NQO2: variants seen among roughly 807,000 people sequenced by gnomAD.
NQO2 encodes the protein ribosyldihydronicotinamide dehydrogenase [quinone].
Under a neutral mutation model 22.0 loss-of-function variants are expected in NQO2, and 18 were observed. The observed-to-expected ratio is 0.82, with a 90% CI of 0.56 to 1.21. The LOEUF (loss-of-function observed/expected upper bound fraction) is 1.21. Ranked by LOEUF, NQO2 falls within the 50% of genes most tolerant of loss-of-function variation. The pLI is 0.00. For missense variants in NQO2, 267 were observed against 286.9 expected (o/e 0.93, Z 0.50); for synonymous variants, 106 against 110.8 (o/e 0.96, Z 0.28).
chr6:3,009,146 C>T (rs1027867777), intron 2 of NQO2, among the ~76,000 whole-genome samples: 6 of 152,158 alleles, frequency 3.9e-5, no homozygotes, highest in Admixed American at 2.0e-4. Context: ...TACAGCTGGA[C>T]CATAAAAGAC....
rs1757302179 is a variant in NQO2 at position 3,015,662 on chromosome 6, G to T, written c.417+19G>T. The T allele has an allele frequency of 1.2e-6, 2 of 1,608,764 alleles. No individual in the cohort carries two copies. Among genetic ancestry groups the T allele is most frequent in the Non-Finnish European group, 1.7e-6 (2 of 1,175,632 alleles). ...GCTCCAGGTATGTGCTCTTGGATAA[G>T]GATCACTATGGATAGTTGGAGGGAG... On this transcript the variant is annotated intron_variant, in intron 5 of 6. Transcript: ENST00000380455.
chr6:3,009,659 C>T (rs879929743), intron 2 of NQO2, among the ~76,000 whole-genome samples: 16 of 152,188 alleles, frequency 1.1e-4, no homozygotes, highest in Non-Finnish European at 1.9e-4. Flanking sequence ...TAAATGTCCA[C>T]GAAATCTTCA....
chr6:3,005,885 A>G (rs1182511303), intron 1 of NQO2: 17 of 851,104 alleles, frequency 2.0e-5, no homozygotes, highest in Non-Finnish European at 2.3e-5. Context: ...CACAGCTACA[A>G]TGGGCAGAGC....
At chr6:3,001,090 CTT>C (rs66489312) in intron 1 of NQO2, among the ~76,000 whole-genome samples, 4,469 of 114,182 alleles carry the variant, frequency 0.039, 75 homozygotes, top group African/African-American at 0.048. Flanking sequence ...CTTTCTTTTT[CTT>C]TTTTTTTTTT....
intron 1 of NQO2, chr6:3,000,507 C>T (rs1253430802): frequency 2.0e-5 from 3 of 151,720 alleles, no homozygotes; most frequent in Non-Finnish European, 2.9e-5. Context: ...ATCAGCTTCT[C>T]TAACCTATAA....
chr6:3,009,834 T>A, intron 2 of NQO2, 191 bp from the exon 3 acceptor site: 1 of 718,420 alleles, frequency 1.4e-6, no homozygotes, highest in Non-Finnish European at 1.7e-6. Context: ...GCCACTGCAT[T>A]CCAGCCTGGG....
At chr6:3,015,988 G>C (rs968354203) in intron 5 of NQO2, among the ~76,000 whole-genome samples, 1 of 152,154 alleles carries the variant, frequency 6.6e-6, no homozygotes, top group Non-Finnish European at 1.5e-5. Flanking sequence ...CTGGTGCAGA[G>C]CCCAGCCCTG....
intron 4 of NQO2, among the ~76,000 whole-genome samples, chr6:3,014,113 G>A (rs1757243418): frequency 6.6e-6 from 1 of 152,344 alleles, no homozygotes; most frequent in South Asian, 2.1e-4. Flanking sequence ...CAGGGGGTGA[G>A]CGGCATGTGA....
In NQO2 at chr6:3,012,690, A is replaced by G; in HGVS notation, c.303+16A>G. ...GATATTTCAGGTTTGTTTTTCTCTAATTAATATATTGAATCAGATTCATCT... is the reference window on the plus strand; with the variant it reads ...GATATTTCAGGTTTGTTTTTCTCTAGTTAATATATTGAATCAGATTCATCT... On this transcript the variant is annotated intron_variant, in intron 4 of 6. Transcript: ENST00000380455. 2 of 1,608,514 alleles carry G rather than the reference A, an allele frequency of 1.2e-6. No individual in the cohort carries two copies. The highest frequency in any genetic ancestry group is 1.7e-6 in the Non-Finnish European group (2 of 1,177,076).
intron 6 of NQO2, among the ~76,000 whole-genome samples, chr6:3,017,801 G>A (rs1312344950): frequency 6.6e-6 from 1 of 152,116 alleles, no homozygotes; most frequent in Non-Finnish European, 1.5e-5. Context: ...TGTCGAGACA[G>A]GGGGAGAGCT....
chr6:3,000,840 TTTTTC>T (rs1756665465), intron 1 of NQO2, among the ~76,000 whole-genome samples: 1 of 143,932 alleles, frequency 6.9e-6, no homozygotes, highest in Non-Finnish European at 1.6e-5. Flanking sequence ...CCCGGCCCTC[TTTTTC>T]TTTTTTCTTT....
chr6:3,019,294 C>T (rs956972519), intron 6 of NQO2, 185 bp from the exon 7 acceptor site: 1 of 938,806 alleles, frequency 1.1e-6, no homozygotes. Flanking sequence ...TTCTTCACGG[C>T]TCTTATGCAA....
At chr6:3,008,448 A>G (rs1463361186) in intron 2 of NQO2, among the ~76,000 whole-genome samples, 3 of 151,794 alleles carry the variant, frequency 2.0e-5, no homozygotes, top group Non-Finnish European at 4.4e-5. Flanking sequence ...AAAGGAAAGA[A>G]AAGAAAGTTT....
intron 5 of NQO2, 61 bp from the exon 6 acceptor site, chr6:3,016,823 T>C: frequency 6.3e-7 from 1 of 1,592,240 alleles, no homozygotes; most frequent in Non-Finnish European, 8.5e-7. Flanking sequence ...TGCTGGAGGC[T>C]CAGCAACATT....
intron 1 of NQO2, among the ~76,000 whole-genome samples, chr6:3,005,362 A>G (rs1170911791): frequency 6.6e-6 from 1 of 152,176 alleles, no homozygotes; most frequent in Non-Finnish European, 1.5e-5. Flanking sequence ...ACCTTTCCCC[A>G]GCGGTGCACG....
Position 3,006,327 on chromosome 6 carries a change from G to T in NQO2, c.-85-141G>T, listed in dbSNP as rs1173688350. ...TTGTCCTCTGAGGCCTAAATCTCCAGAAGATTCCTGGCCTCTCTTGAGAGG... is the reference window on the plus strand; with the variant it reads ...TTGTCCTCTGAGGCCTAAATCTCCATAAGATTCCTGGCCTCTCTTGAGAGG... On this transcript the variant is annotated intron_variant, in intron 1 of 6. Coordinates refer to ENST00000380455, the MANE Select transcript of NQO2 (RefSeq NM_000904.6). The surrounding 1 kb of genome is among the most constrained non-coding windows in gnomAD (Gnocchi z 4.0). The T allele has an allele frequency of 1.5e-5, 20 of 1,359,328 alleles. No homozygotes were observed. The East Asian group carries it at 5.6e-4, about 38-fold the overall frequency. 84.2% of individuals were successfully genotyped at this position (1,359,328 alleles called of 1,614,324 possible).
At position 3,019,499 on chromosome 6, in the gene NQO2, T is replaced by C. The variant is rs1757462750; in HGVS notation, c.540T>C (p.Cys180=). Residue 180 remains cysteine, a synonymous_variant, in exon 7 of 7, where the codon TGT becomes TGC. Coordinates refer to ENST00000380455, the MANE Select transcript of NQO2 (RefSeq NM_000904.6). ...TTTAGCATGGCACATTACACTTCTG[T>C]GGATTTAAAGTCCTTGCCCCTCAGA... is the stretch of plus-strand genomic sequence containing the variant. ...WPLQHGTLHF[C]GFKVLAPQIS... 1.2e-6 allele frequency: 2 copies of C among 1,613,896 alleles called. No homozygotes were observed. The highest frequency in any genetic ancestry group is 1.7e-6 in the Non-Finnish European group (2 of 1,179,968).
At chr6:3,017,603 G>A (rs1348186748) in intron 6 of NQO2, among the ~76,000 whole-genome samples, 1 of 152,214 alleles carries the variant, frequency 6.6e-6, no homozygotes, top group African/African-American at 2.4e-5. Context: ...AAATGTGGCC[G>A]AGTAGTGGCC....
At chr6:3,008,594 A>G (rs145948090) in intron 2 of NQO2, among the ~76,000 whole-genome samples, 5,673 of 152,298 alleles carry the variant, frequency 0.037, 119 homozygotes, top group African/African-American at 0.055. Context: ...TACTAAAAAT[A>G]CAAAAAATTA....
Sources: allele counts gnomAD v4.1 joint callset (sites outside exome capture counted in the v4.1 genomes callset), GRCh38; gene constraint gnomAD v4.1.1; non-coding constraint Gnocchi (gnomAD v3.1); transcripts MANE v1.5; gene names NCBI Gene and HGNC (gene_info 2026-07-23, HGNC 2026-07-21).